The following PDZD2 variants were observed in gnomAD, a reference collection of about 807,000 sequenced individuals.
PDZD2 encodes PDZ domain containing 2.
A neutral mutation model predicts 220.7 loss-of-function variants in PDZD2; 90 were observed. The observed-to-expected ratio is 0.41, with a 90% CI of 0.34 to 0.49. PDZD2 has a LOEUF of 0.49. Among genes scored for constraint, PDZD2 ranks in the 20% least tolerant of loss-of-function variants. The pLI is 0.28. For missense variants in PDZD2, 3,174 were observed against 3,608.5 expected (o/e 0.88, Z 3.08); for synonymous variants, 1,375 against 1,450.5 (o/e 0.95, Z 1.18).
At chr5:31,671,997 A>G (rs1746234235) in intron 1 of PDZD2, among the ~76,000 whole-genome samples, 1 of 152,116 alleles carries the variant, frequency 6.6e-6, no homozygotes, top group South Asian at 2.1e-4. Context: ...ATGCCTGAGG[A>G]TGGATAATTG....
At chr5:31,991,804 A>G (rs1751232710) in intron 3 of PDZD2, among the ~76,000 whole-genome samples, 1 of 152,200 alleles carries the variant, frequency 6.6e-6, no homozygotes, top group African/African-American at 2.4e-5. Flanking sequence ...CGAGGTGGGC[A>G]GATCACCAGT....
chr5:32,044,830 C>T (rs1737774984), intron 7 of PDZD2, among the ~76,000 whole-genome samples: 1 of 151,910 alleles, frequency 6.6e-6, no homozygotes, highest in African/African-American at 2.4e-5. Context: ...GATAGATCAG[C>T]GAATAGAGTG....
chr5:31,667,513 G>T (rs962502441), intron 1 of PDZD2, among the ~76,000 whole-genome samples: 2 of 152,046 alleles, frequency 1.3e-5, no homozygotes, highest in Non-Finnish European at 2.9e-5. Flanking sequence ...GGCTGGGAAG[G>T]CTGCTCTGAG....
chr5:32,028,675 G>T (rs113421063), intron 6 of PDZD2, among the ~76,000 whole-genome samples: 3,989 of 45,836 alleles, frequency 0.087, 124 homozygotes, highest in African/African-American at 0.14. Context: ...TTTTTTTTTT[G>T]TTTTTTTTGT....
At chr5:31,674,119 AT>A (rs1561376418) in intron 1 of PDZD2, among the ~76,000 whole-genome samples, 1 of 152,062 alleles carries the variant, frequency 6.6e-6, no homozygotes, top group East Asian at 1.9e-4. Context: ...TGAGAAATAC[AT>A]TTCGGTTGTT....
chr5:31,651,801 T>G (rs1745359710), intron 1 of PDZD2, among the ~76,000 whole-genome samples: 1 of 151,722 alleles, frequency 6.6e-6, no homozygotes, highest in South Asian at 2.1e-4. Context: ...TGGCTAATTT[T>G]TTTGTTTGTT....
intron 6 of PDZD2, among the ~76,000 whole-genome samples, chr5:32,015,130 TAGG>T (rs1753689393): frequency 2.0e-5 from 3 of 151,202 alleles, no homozygotes; most frequent in Admixed American, 6.6e-5. Flanking sequence ...TTAGTAGAGA[TAGG>T]GTTTCACCAT....
Position 32,074,345 on chromosome 5 carries a change from G to C in PDZD2, c.3239G>C (p.Gly1080Ala). 1 of 1,614,206 alleles carries C rather than the reference G, an allele frequency of 6.2e-7. No homozygotes were observed. Among genetic ancestry groups the C allele is most frequent in the Non-Finnish European group, 8.5e-7 (1 of 1,180,038 alleles). ...AGCTGGTGGAAGAAGGAACTGTCAG[G>C]ATCAAGTAGCGCACCCAAATTGGAA... ...PGSWWKKELS[G>A]SSSAPKLEYT... Residue 1080 changes from glycine (G) to alanine (A), a missense_variant, in exon 18 of 25, where the codon GGA (glycine) becomes GCA (alanine). Gly to Ala is a moderately conservative substitution (Grantham distance 60). Transcript: ENST00000438447.
chr5:31,675,849 G>A (rs1408836927), intron 1 of PDZD2, among the ~76,000 whole-genome samples: 2 of 151,972 alleles, frequency 1.3e-5, no homozygotes, highest in African/African-American at 2.4e-5. Flanking sequence ...CTATGGGCAC[G>A]CACCACCATG....
chr5:31,722,023 G>C (rs143396447), intron 1 of PDZD2, among the ~76,000 whole-genome samples: 31 of 151,900 alleles, frequency 2.0e-4, no homozygotes, highest in Non-Finnish European at 7.4e-5. Flanking sequence ...CTGTCTGCTC[G>C]AGCTCAACAT....
intron 1 of PDZD2, among the ~76,000 whole-genome samples, chr5:31,693,765 A>G (rs1474183823): frequency 1.3e-5 from 2 of 152,162 alleles, no homozygotes; most frequent in East Asian, 1.9e-4. Context: ...TATGTAGTTA[A>G]TGAAGGGACC....
intron 24 of PDZD2, chr5:32,106,182 TG>T: frequency 6.5e-6 from 1 of 154,744 alleles, no homozygotes; most frequent in Middle Eastern, 3.3e-3. Context: ...GCATCCCATC[TG>T]GGGGTGATGG....
chr5:31,714,866 G>A (rs1449062810), intron 1 of PDZD2, among the ~76,000 whole-genome samples: 1 of 151,994 alleles, frequency 6.6e-6, no homozygotes, highest in East Asian at 1.9e-4. Flanking sequence ...AGACCATCCT[G>A]GTTAACACGG....
chr5:32,076,131 CA>C (rs1401043468), intron 18 of PDZD2, among the ~76,000 whole-genome samples: 2 of 151,812 alleles, frequency 1.3e-5, no homozygotes, highest in Non-Finnish European at 2.9e-5. Flanking sequence ...ACTGAAAATA[CA>C]AAAATCAGTC....
chr5:32,089,150 C>G lies in PDZD2; in HGVS notation c.5702C>G (p.Pro1901Arg). 6.2e-7 allele frequency: 1 copy of G among 1,614,176 alleles called. No homozygotes were observed. Among genetic ancestry groups the G allele is most frequent in the Non-Finnish European group, 8.5e-7 (1 of 1,180,014 alleles). Residue 1901 changes from proline to arginine, a missense_variant, in exon 20 of 25, where the codon CCT (proline) becomes CGT (arginine). This residue lies in a region of PDZD2 where 1,861 missense variants were observed against 2,001.0 expected (regional missense o/e 0.93). Coordinates refer to ENST00000438447, the MANE Select transcript of PDZD2 (RefSeq NM_178140.4). Reference protein sequence around the residue: ...KGKAKVNSEAPAANAVKAGGT... With the variant: ...KGKAKVNSEARAANAVKAGGT... Reference sequence around the variant, plus strand: ...AAGGCCAAAGTCAACTCTGAGGCCCCTGCTGCGAATGCTGTGAAGGCTGGG... The same window carrying G: ...AAGGCCAAAGTCAACTCTGAGGCCCGTGCTGCGAATGCTGTGAAGGCTGGG...
Position 32,087,764 on chromosome 5 carries a change from C to T in PDZD2, c.4316C>T (p.Ala1439Val), listed in dbSNP as rs949795210. 8.7e-6 allele frequency: 14 copies of T among 1,614,064 alleles called. No homozygotes were observed. The highest frequency in any genetic ancestry group is 1.1e-5 in the Non-Finnish European group (13 of 1,180,002). ...SFIKELDASAARSPSSQTGDS... is the reference protein window; with the variant it reads ...SFIKELDASAVRSPSSQTGDS... ...ATCAAGGAGCTGGATGCTTCTGCAG[C>T]AAGGTCTCCGTCTTCCCAGACGGGG... is the stretch of plus-strand genomic sequence containing the variant. Residue 1439 changes from alanine to valine, a missense_variant, in exon 20 of 25, where the codon GCA becomes GTA. Transcript: ENST00000438447. The surrounding 1 kb of genome is among the most constrained non-coding windows in gnomAD (Gnocchi z 4.0).
chr5:31,689,328 TACATATAC>T (rs1256707941), intron 1 of PDZD2, among the ~76,000 whole-genome samples: 10 of 63,502 alleles, frequency 1.6e-4, no homozygotes, highest in African/African-American at 9.1e-4. Flanking sequence ...CACATATATA[TACATATAC>T]ATATATATAT....
intron 2 of PDZD2, among the ~76,000 whole-genome samples, chr5:31,884,711 G>A (rs1003053503): frequency 1.3e-5 from 2 of 152,096 alleles, no homozygotes; most frequent in African/African-American, 4.8e-5. Context: ...GCCTCAGGCT[G>A]TCAAGTACTG....
intron 2 of PDZD2, among the ~76,000 whole-genome samples, chr5:31,971,591 T>G (rs1749303308): frequency 6.6e-6 from 1 of 152,204 alleles, no homozygotes; most frequent in African/African-American, 2.4e-5. Flanking sequence ...TTGATGATGA[T>G]TTTGGCCATT....
Sources: allele counts gnomAD v4.1 joint callset (sites outside exome capture counted in the v4.1 genomes callset), GRCh38; gene constraint gnomAD v4.1.1; regional missense constraint gnomAD v4.1.1; non-coding constraint Gnocchi (gnomAD v3.1); transcripts MANE v1.5; gene names NCBI Gene and HGNC (gene_info 2026-07-23, HGNC 2026-07-21).